Variants in SNAP29 observed in about 807,000 individuals in gnomAD.
SNAP29 encodes synaptosome associated protein 29.
SNAP29 carries 13 observed loss-of-function variants against 27.9 expected under a neutral mutation model. The ratio of observed to expected loss-of-function variants is 0.47; its 90% CI spans 0.30 to 0.74. The LOEUF (loss-of-function observed/expected upper bound fraction) is 0.74. SNAP29 is among the 30% of genes least tolerant of loss of function. SNAP29 has a pLI of 0.06. For synonymous variants in SNAP29, 119 were observed against 127.1 expected (o/e 0.94, Z 0.43); for missense variants, 368 against 336.5 (o/e 1.09, Z -0.73).
At chr22:20,876,140 G>C (rs1480335342) in intron 2 of SNAP29, among the ~76,000 whole-genome samples, 5 of 148,978 alleles carry the variant, frequency 3.4e-5, no homozygotes, top group Admixed American at 6.7e-5. Flanking sequence ...CAGCCTGGGC[G>C]ACAGAGACTC....
chr22:20,878,434 C>T lies in SNAP29; in HGVS notation c.435-2615C>T, dbSNP rs189698225. 6.6e-3 allele frequency among the ~76,000 whole-genome samples: 999 copies of T among 152,098 alleles called. 15 individuals are homozygous for T. Among genetic ancestry groups the T allele is most frequent in the African/African-American group, 0.023 (946 of 41,488 alleles). On this transcript the variant is annotated intron_variant, in intron 2 of 4. Transcript: ENST00000215730. ...TGTACTAAAAATACAAAAAATTAGC[C>T]GGGCGTGGTGGCGGGCGCCTGTAGT...
intron 2 of SNAP29, among the ~76,000 whole-genome samples, chr22:20,874,738 C>G (rs749735488): frequency 5.3e-5 from 8 of 151,934 alleles, no homozygotes; most frequent in Non-Finnish European, 1.0e-4. Flanking sequence ...CCAGCTCAAC[C>G]CTAATTTTAA....
intron 1 of SNAP29, among the ~76,000 whole-genome samples, chr22:20,869,285 G>A (rs1329529533): frequency 1.6e-4 from 24 of 152,094 alleles, no homozygotes; most frequent in Admixed American, 1.6e-3. Context: ...GTGGAGAAGA[G>A]GGGTAGTGGT....
intron 2 of SNAP29, among the ~76,000 whole-genome samples, chr22:20,879,717 C>T (rs1928844139): frequency 1.3e-5 from 2 of 150,980 alleles, no homozygotes; most frequent in African/African-American, 4.9e-5. Flanking sequence ...GTGGTGGGGG[C>T]CTGTAATCCC....
At position 20,859,244 on chromosome 22, in the gene SNAP29, T is replaced by TG. The variant is rs2017536360; in HGVS notation, c.135dup (p.Arg46AlafsTer9). 5 of 1,605,028 alleles carry TG rather than the reference T, an allele frequency of 3.1e-6. No individual in the cohort carries two copies. Among genetic ancestry groups the TG allele is most frequent in the Non-Finnish European group, 4.2e-6 (5 of 1,177,290 alleles). ...GCGCCCGCGGACAGGCAGCAGTACT[T>TG]GCGGCAGGAGGTCCTCCGCAGGGCT... On this transcript the variant is annotated frameshift_variant, in exon 1 of 5. Transcript: ENST00000215730. LOFTEE classifies it high-confidence loss of function.
intron 2 of SNAP29, among the ~76,000 whole-genome samples, chr22:20,871,292 T>G (rs1928585425): frequency 1.3e-5 from 2 of 149,440 alleles, no homozygotes; most frequent in Non-Finnish European, 3.0e-5. Context: ...CTAGACAACA[T>G]AGCAAAGACC....
intron 4 of SNAP29, 112 bp from the exon 5 acceptor site, chr22:20,887,567 C>T (rs899129613): frequency 2.1e-5 from 23 of 1,120,180 alleles, no homozygotes; most frequent in Admixed American, 6.8e-5. Context: ...TGGGTGCAGT[C>T]CCCCCAGGCA....
chr22:20,861,117 G>GT (rs1491578419), intron 1 of SNAP29, among the ~76,000 whole-genome samples: 3,854 of 104,966 alleles, frequency 0.037, 87 homozygotes, highest in Middle Eastern at 0.065. Flanking sequence ...ACCTCCCTGT[G>GT]GTTTTTTTTT....
At chr22:20,860,617 C>T (rs1180424822) in intron 1 of SNAP29, among the ~76,000 whole-genome samples, 2 of 151,926 alleles carry the variant, frequency 1.3e-5, no homozygotes, top group Non-Finnish European at 2.9e-5. Context: ...GCAGTCCGCC[C>T]GCTTTGGCCT....
rs189850815 is a variant in SNAP29 at position 20,868,395 on chromosome 22, G to C, written c.238-1942G>C. ...TTATTTCCAGCAAGAGTTAAACAAA[G>C]TTTAATAGTAAATTCAACCAACCAG... On this transcript the variant is annotated intron_variant, in intron 1 of 4. Transcript: ENST00000215730. 1.8e-3 allele frequency among the ~76,000 whole-genome samples: 271 copies of C among 152,284 alleles called. 2 individuals are homozygous for C. The highest frequency in any genetic ancestry group is 3.1e-3 in the Admixed American group (48 of 15,306).
intron 2 of SNAP29, chr22:20,871,175 A>G (rs1418944365): frequency 1.3e-5 from 2 of 152,928 alleles, no homozygotes; most frequent in African/African-American, 4.8e-5. Flanking sequence ...ATCTAATCCA[A>G]TTCGCCCATT....
chr22:20,861,213 G>A (rs1300924939), intron 1 of SNAP29, among the ~76,000 whole-genome samples: 1 of 149,934 alleles, frequency 6.7e-6, no homozygotes, highest in African/African-American at 2.5e-5. Context: ...CGCCTCCTGG[G>A]TTCAAGTGAT....
chr22:20,887,857 T>C lies in SNAP29; in HGVS notation c.*21T>C, dbSNP rs920562754. The C allele has an allele frequency of 5.0e-6, 8 of 1,610,640 alleles. No homozygotes were observed. Among genetic ancestry groups the C allele is most frequent in the Non-Finnish European group, 5.1e-6 (6 of 1,177,016 alleles). Reference sequence around the variant, plus strand: ...TCTGAAGACAGACGGATTTCCACTCTATTGTGATGAAAAGATTTGAAAGAT... The same window carrying C: ...TCTGAAGACAGACGGATTTCCACTCCATTGTGATGAAAAGATTTGAAAGAT... On this transcript the variant is annotated 3_prime_UTR_variant, in exon 5 of 5. Transcript: ENST00000215730.
chr22:20,864,189 G>A (rs924698803), intron 1 of SNAP29, among the ~76,000 whole-genome samples: 12 of 152,076 alleles, frequency 7.9e-5, no homozygotes, highest in African/African-American at 2.4e-4. Context: ...CCGAGATCTC[G>A]GTTCAGGGGA....
chr22:20,871,685 A>C (rs969554653), intron 2 of SNAP29, among the ~76,000 whole-genome samples: 2 of 152,096 alleles, frequency 1.3e-5, no homozygotes, highest in Admixed American at 1.3e-4. Context: ...AATCAAGACC[A>C]TCCTGGCTAA....
chr22:20,885,199 C>G (rs1026808805), intron 4 of SNAP29, among the ~76,000 whole-genome samples: 12 of 152,164 alleles, frequency 7.9e-5, no homozygotes, highest in African/African-American at 2.9e-4. Flanking sequence ...TACCGCTACT[C>G]CCTGAGCAGA....
chr22:20,878,312 C>T (rs1310643441), intron 2 of SNAP29, among the ~76,000 whole-genome samples: 1 of 151,886 alleles, frequency 6.6e-6, no homozygotes, highest in Non-Finnish European at 1.5e-5. Context: ...GAGGCCGAGG[C>T]GGGCAGATCA....
chr22:20,872,963 G>A (rs1169089856), intron 2 of SNAP29, among the ~76,000 whole-genome samples: 1 of 149,932 alleles, frequency 6.7e-6, no homozygotes, highest in Non-Finnish European at 1.5e-5. Context: ...CTGAGTAGCT[G>A]GGATTACAGG....
At chr22:20,860,684 A>G (rs1343164597) in intron 1 of SNAP29, among the ~76,000 whole-genome samples, 2 of 151,750 alleles carry the variant, frequency 1.3e-5, no homozygotes, top group African/African-American at 4.8e-5. Flanking sequence ...ATGATTCTTT[A>G]TTGTACACCA....
Sources: allele counts gnomAD v4.1 joint callset (sites outside exome capture counted in the v4.1 genomes callset), GRCh38; gene constraint gnomAD v4.1.1; transcripts MANE v1.5; gene names NCBI Gene and HGNC (gene_info 2026-07-23, HGNC 2026-07-21).